Variants in CCSER1 observed in about 807,000 individuals in gnomAD.
CCSER1 encodes serine-rich coiled-coil domain-containing protein 1.
CCSER1 carries 41 observed loss-of-function variants against 82.0 expected under a neutral mutation model. The observed-to-expected ratio is 0.50, with a 90% CI of 0.39 to 0.65. CCSER1 has a LOEUF of 0.65. Ranked by LOEUF, CCSER1 falls within the 30% of genes least tolerant of loss-of-function variation. The pLI is 0.00. For synonymous variants in CCSER1, 414 were observed against 383.9 expected (o/e 1.08, Z -0.92); for missense variants, 1,119 against 1,064.2 (o/e 1.05, Z -0.72).
At chr4:91,283,349 T>C (rs183203571) in intron 10 of CCSER1, among the ~76,000 whole-genome samples, 3 of 152,250 alleles carry the variant, frequency 2.0e-5, no homozygotes, top group Non-Finnish European at 4.4e-5. Context: ...AGGGCCATTT[T>C]ATTGAAGTCT....
intron 10 of CCSER1, among the ~76,000 whole-genome samples, chr4:91,534,237 T>C (rs1017748530): frequency 2.0e-5 from 3 of 152,104 alleles, no homozygotes; most frequent in Non-Finnish European, 4.4e-5. Context: ...TAATCAGTTA[T>C]AGTCTCTTAA....
intron 10 of CCSER1, among the ~76,000 whole-genome samples, chr4:91,212,164 T>TA (rs1436811736): frequency 6.6e-6 from 1 of 152,082 alleles, no homozygotes; most frequent in Non-Finnish European, 1.5e-5. Flanking sequence ...TGAGTGTTCT[T>TA]GTTGCTTAGA....
intron 7 of CCSER1, among the ~76,000 whole-genome samples, chr4:90,739,873 T>C (rs899368290): frequency 1.3e-5 from 2 of 152,190 alleles, no homozygotes; most frequent in African/African-American, 4.8e-5. Flanking sequence ...TTCAAAACTG[T>C]CTTTCTTATC....
At chr4:91,100,482 CCA>C (rs1400959862) in intron 10 of CCSER1, among the ~76,000 whole-genome samples, 1 of 152,060 alleles carries the variant, frequency 6.6e-6, no homozygotes, top group East Asian at 1.9e-4. Context: ...GTTGACTAGT[CCA>C]CACCATGACA....
intron 3 of CCSER1, among the ~76,000 whole-genome samples, chr4:90,373,898 C>A (rs112362821): frequency 0.02 from 2,975 of 152,168 alleles, 72 homozygotes; most frequent in African/African-American, 0.061. Context: ...TAATGCAAAC[C>A]ACTGCATGTA....
intron 9 of CCSER1, among the ~76,000 whole-genome samples, chr4:90,931,260 A>C: frequency 6.6e-6 from 1 of 151,688 alleles, no homozygotes; most frequent in East Asian, 1.9e-4. Context: ...AGAAGTTAGA[A>C]TTAGATGCAT....
intron 9 of CCSER1, among the ~76,000 whole-genome samples, chr4:91,071,605 T>C (rs1023747411): frequency 1.5e-4 from 23 of 152,264 alleles, no homozygotes; most frequent in African/African-American, 5.5e-4. Flanking sequence ...ATGCAAATAA[T>C]CATAATCTAG....
chr4:91,457,509 T>TA (rs1002544854), intron 10 of CCSER1, among the ~76,000 whole-genome samples: 11 of 151,566 alleles, frequency 7.3e-5, no homozygotes, highest in Admixed American at 2.6e-4. Flanking sequence ...TACAAAAAAA[T>TA]AAAAAAAATA....
chr4:90,538,874 T>C (rs1775752106), intron 5 of CCSER1, among the ~76,000 whole-genome samples: 1 of 152,082 alleles, frequency 6.6e-6, no homozygotes, highest in African/African-American at 2.4e-5. Flanking sequence ...ATAAAATATT[T>C]TAAATTATTT....
chr4:90,617,702 G>A (rs1221131498), intron 5 of CCSER1, among the ~76,000 whole-genome samples: 1 of 152,004 alleles, frequency 6.6e-6, no homozygotes, highest in African/African-American at 2.4e-5. Flanking sequence ...TGTCTATGTT[G>A]GTGCTATACT....
chr4:91,070,265 T>G (rs1273472357), intron 9 of CCSER1, among the ~76,000 whole-genome samples: 3 of 152,240 alleles, frequency 2.0e-5, no homozygotes. Flanking sequence ...ATTACAGGCA[T>G]GAGTTCCCAG....
chr4:91,325,682 A>G (rs1030218743), intron 10 of CCSER1, among the ~76,000 whole-genome samples: 1 of 152,218 alleles, frequency 6.6e-6, no homozygotes, highest in African/African-American at 2.4e-5. Flanking sequence ...TCCCAGACTC[A>G]GAATTTGGCT....
chr4:90,673,303 A>C (rs748824668), intron 6 of CCSER1, among the ~76,000 whole-genome samples: 3 of 151,956 alleles, frequency 2.0e-5, no homozygotes, highest in Non-Finnish European at 2.9e-5. Flanking sequence ...AAGGTATGCT[A>C]TTTGAGCTTG....
chr4:91,570,414 A>T (rs1432960215), intron 10 of CCSER1, among the ~76,000 whole-genome samples: 2 of 152,178 alleles, frequency 1.3e-5, no homozygotes, highest in Non-Finnish European at 2.9e-5. Context: ...GAGGTTCTCC[A>T]TGAAGGCTCC....
At chr4:90,191,690 T>C (rs1175595291) in intron 1 of CCSER1, among the ~76,000 whole-genome samples, 1 of 152,030 alleles carries the variant, frequency 6.6e-6, no homozygotes. Flanking sequence ...TTTCCAACAG[T>C]CTCCTCTCCT....
At chr4:90,662,000 C>CT (rs768964116) in intron 6 of CCSER1, among the ~76,000 whole-genome samples, 15,824 of 136,028 alleles carry the variant, frequency 0.12, 1,021 homozygotes, top group Non-Finnish European at 0.15. Flanking sequence ...TTCTTTCTTT[C>CT]TTTTTTTTTT....
At chr4:90,390,371 A>G (rs1169639865) in intron 3 of CCSER1, among the ~76,000 whole-genome samples, 1 of 152,156 alleles carries the variant, frequency 6.6e-6, no homozygotes, top group Non-Finnish European at 1.5e-5. Context: ...CTGAGGTACA[A>G]TAGATCCCAT....
chr4:90,934,712 A>G (rs1033443527), intron 9 of CCSER1, among the ~76,000 whole-genome samples: 1 of 152,104 alleles, frequency 6.6e-6, no homozygotes, highest in African/African-American at 2.4e-5. Context: ...CGGGTGGATC[A>G]GGTGAGGTTG....
chr4:90,437,915 TCAA>T (rs1379130384), intron 4 of CCSER1, among the ~76,000 whole-genome samples: 5 of 152,218 alleles, frequency 3.3e-5, no homozygotes, highest in African/African-American at 1.2e-4. Context: ...TGAGTTTTTA[TCAA>T]CAATAGTTAA....
Sources: gnomAD v4.1 joint callset for allele counts (sites outside exome capture counted in the v4.1 genomes callset) on GRCh38, gnomAD v4.1.1 for gene constraint, MANE v1.5 for transcripts, NCBI Gene and HGNC (gene_info 2026-07-23, HGNC 2026-07-21) for gene names.